The following PTPRT variants were observed in gnomAD, a reference collection of about 807,000 sequenced individuals.
PTPRT encodes the protein protein tyrosine phosphatase receptor type T.
PTPRT carries 56 observed loss-of-function variants against 176.8 expected under a neutral mutation model. The observed-to-expected ratio is 0.32, with a 90% confidence interval of 0.26 to 0.40. PTPRT has a LOEUF of 0.40. Among genes scored for constraint, PTPRT ranks in the 10% least tolerant of loss-of-function variants. PTPRT has a pLI of 1.00. For missense variants in PTPRT, 1,540 were observed against 1,908.2 expected (o/e 0.81, Z 3.60); for synonymous variants, 783 against 739.0 (o/e 1.06, Z -0.96).
intron 28 of PTPRT, among the ~76,000 whole-genome samples, chr20:42,085,213 T>TA (rs1418185798): frequency 6.6e-6 from 1 of 151,678 alleles, no homozygotes; most frequent in Non-Finnish European, 1.5e-5. Flanking sequence ...AGCAGGGGGG[T>TA]AGGGGAGGTG....
intron 6 of PTPRT, among the ~76,000 whole-genome samples, chr20:42,752,708 G>A (rs1239820155): frequency 1.3e-5 from 2 of 152,076 alleles, no homozygotes; most frequent in Non-Finnish European, 2.9e-5. Flanking sequence ...CTTTTCCCTT[G>A]TATTTTTTTA....
chr20:42,585,424 C>G (rs1473533981), intron 7 of PTPRT, among the ~76,000 whole-genome samples: 1 of 152,070 alleles, frequency 6.6e-6, no homozygotes, highest in Non-Finnish European at 1.5e-5. Context: ...TTTAATGTGT[C>G]ATTTGCACTC....
At chr20:42,286,754 T>G (rs1339114929) in intron 12 of PTPRT, among the ~76,000 whole-genome samples, 1 of 151,648 alleles carries the variant, frequency 6.6e-6, no homozygotes, top group Non-Finnish European at 1.5e-5. Flanking sequence ...TGGGATTATA[T>G]AAAACTAAAA....
At chr20:42,799,132 TGAA>T (rs2077494180) in intron 2 of PTPRT, among the ~76,000 whole-genome samples, 1 of 146,112 alleles carries the variant, frequency 6.8e-6, no homozygotes, top group Admixed American at 6.8e-5. Context: ...AAAACTAAGA[TGAA>T]GAAAGGAGGG....
intron 2 of PTPRT, among the ~76,000 whole-genome samples, chr20:42,882,835 G>A (rs1411124471): frequency 6.6e-6 from 1 of 152,196 alleles, no homozygotes; most frequent in Non-Finnish European, 1.5e-5. Context: ...AAGGTGCAAC[G>A]GGAACCATTA....
chr20:42,300,777 TTATTTA>T (rs2057455055), intron 12 of PTPRT, among the ~76,000 whole-genome samples: 1 of 149,126 alleles, frequency 6.7e-6, no homozygotes, highest in African/African-American at 2.5e-5. Context: ...ATTATTATTA[TTATTTA>T]TTATTATTAT....
At position 42,370,895 on chromosome 20, in the gene PTPRT, C is replaced by A. The variant is rs113849633; in HGVS notation, c.1561-18610G>T. On this transcript the variant is annotated intron_variant, in intron 9 of 30. Coordinates refer to ENST00000373187, the MANE Select transcript of PTPRT (RefSeq NM_007050.6). The stretch of plus-strand genomic sequence containing the variant: ...AACCACATTTGCCTCCTCCCTACCC[C>A]AGGTACTGGCCCTACATCTTTCACC... 7.2e-3 allele frequency among the ~76,000 whole-genome samples: 1,097 copies of A among 152,302 alleles called. 15 individuals carry two copies. The highest frequency in any genetic ancestry group is 0.024 in the African/African-American group (1,015 of 41,576).
chr20:42,657,097 T>G (rs1400591161), intron 7 of PTPRT, among the ~76,000 whole-genome samples: 2 of 152,122 alleles, frequency 1.3e-5, no homozygotes, highest in Non-Finnish European at 2.9e-5. Flanking sequence ...TCTCATGAGA[T>G]CTGATGGTTT....
At chr20:42,589,206 G>A (rs184342216) in intron 7 of PTPRT, among the ~76,000 whole-genome samples, 92 of 152,256 alleles carry the variant, frequency 6.0e-4, no homozygotes, top group African/African-American at 2.2e-3. Context: ...AGACTGGTTG[G>A]CACTCAACAG....
intron 1 of PTPRT, among the ~76,000 whole-genome samples, chr20:43,045,944 C>A (rs893616941): frequency 6.6e-6 from 1 of 152,116 alleles, no homozygotes; most frequent in Non-Finnish European, 1.5e-5. Flanking sequence ...TGGAAACTCA[C>A]AAGGACTAAG....
At chr20:42,283,086 T>C (rs910118090) in intron 12 of PTPRT, among the ~76,000 whole-genome samples, 1 of 152,154 alleles carries the variant, frequency 6.6e-6, no homozygotes, top group African/African-American at 2.4e-5. Context: ...TCATAAATAA[T>C]GTGTGTGGCA....
chr20:42,999,645 G>T (rs1984436335), intron 1 of PTPRT, among the ~76,000 whole-genome samples: 2 of 151,544 alleles, frequency 1.3e-5, no homozygotes, highest in South Asian at 4.2e-4. Context: ...GGTGGTTGTT[G>T]TTGTTGTTTT....
chr20:42,065,111 C>T, the PTPRT span, among the ~76,000 whole-genome samples: 1 of 152,196 alleles, frequency 6.6e-6, no homozygotes, highest in South Asian at 2.1e-4. Flanking sequence ...CCAGTCAAGG[C>T]TTAAAGATGT....
chr20:42,763,225 T>C lies in PTPRT; in HGVS notation c.685-6589A>G, dbSNP rs1467311148. Among the ~76,000 whole-genome samples, 3 of 152,346 alleles carry C rather than the reference T, an allele frequency of 2.0e-5. No homozygotes were observed. In the East Asian group the frequency reaches 5.8e-4, roughly 29 times the overall value. ...ACTCTCCTTTAGTGTCATGACATTA[T>C]TTCCTTCACAAAGAGGTAAGACAAG... On this transcript the variant is annotated intron_variant, in intron 5 of 30. Coordinates refer to ENST00000373187, the MANE Select transcript of PTPRT (RefSeq NM_007050.6).
chr20:42,369,749 G>A (rs887443826), intron 9 of PTPRT, among the ~76,000 whole-genome samples: 2 of 152,104 alleles, frequency 1.3e-5, no homozygotes, highest in African/African-American at 4.8e-5. Context: ...CAGAGACAAT[G>A]GGGAAGAGAA....
intron 7 of PTPRT, among the ~76,000 whole-genome samples, chr20:42,675,770 G>C (rs1450992587): frequency 3.3e-5 from 5 of 152,198 alleles, no homozygotes; most frequent in African/African-American, 1.2e-4. Flanking sequence ...GTTGTGCTTT[G>C]ATGAAGGGTT....
At chr20:42,356,904 C>A (rs76101150) in intron 9 of PTPRT, among the ~76,000 whole-genome samples, 5,266 of 152,232 alleles carry the variant, frequency 0.035, 286 homozygotes, top group African/African-American at 0.12. Context: ...TGCACCAGCT[C>A]TTCTGTCAGC....
intron 9 of PTPRT, among the ~76,000 whole-genome samples, chr20:42,359,436 C>T (rs1046672159): frequency 2.0e-5 from 3 of 152,154 alleles, no homozygotes; most frequent in South Asian, 2.1e-4. Flanking sequence ...GGCCCCAGAC[C>T]TGAGCCTCCT....
intron 16 of PTPRT, among the ~76,000 whole-genome samples, chr20:42,175,223 T>C (rs866211323): frequency 6.6e-6 from 1 of 152,164 alleles, no homozygotes; most frequent in Non-Finnish European, 1.5e-5. Context: ...ATTTAAGATA[T>C]TTAATATGGC....
Sources: gnomAD v4.1 joint callset for allele counts (sites outside exome capture counted in the v4.1 genomes callset) on GRCh38, gnomAD v4.1.1 for gene constraint, MANE v1.5 for transcripts, NCBI Gene and HGNC (gene_info 2026-07-23, HGNC 2026-07-21) for gene names.